The following AKAP3 variants were observed in gnomAD, a reference collection of about 807,000 sequenced individuals.
AKAP3 encodes the protein A-kinase anchoring protein 3, also known as A-kinase anchor protein 3.
AKAP3 carries 27 observed loss-of-function variants against 57.2 expected under a neutral mutation model. The observed-to-expected ratio is 0.47, with a 90% CI of 0.35 to 0.65. The LOEUF (loss-of-function observed/expected upper bound fraction) is 0.65, where lower values mean the gene tolerates loss of function less well. Ranked by LOEUF, AKAP3 falls within the 30% of genes least tolerant of loss-of-function variation. The pLI is 0.01. For missense variants in AKAP3, 959 were observed against 1,040.0 expected (o/e 0.92, Z 1.07); for synonymous variants, 334 against 392.3 (o/e 0.85, Z 1.76).
At chr12:4,632,118 T>C (rs1945504924) in intron 4 of AKAP3, among the ~76,000 whole-genome samples, 2 of 152,262 alleles carry the variant, frequency 1.3e-5, no homozygotes, top group Admixed American at 6.5e-5. Context: ...AGTTAATGCA[T>C]ATTCACTGGA....
At position 4,631,308 on chromosome 12, in the gene AKAP3, T is replaced by G. The variant is rs1263349949; in HGVS notation, c.97-2503A>C. ...AGAAAATCTGTTCTGACAGCATTTTTTGTCCATCTTAAGCTCACCAACTAA... is the reference window on the plus strand; with the variant it reads ...AGAAAATCTGTTCTGACAGCATTTTGTGTCCATCTTAAGCTCACCAACTAA... On this transcript the variant is annotated intron_variant, in intron 4 of 5. Coordinates refer to ENST00000228850, the MANE Select transcript of AKAP3 (RefSeq NM_001278309.2). The G allele has an allele frequency of 5.7e-6, 4 of 701,380 alleles. No homozygotes were observed. In the South Asian group the frequency reaches 5.9e-5, roughly 10 times the overall value. The allele number at this position is 701,380 out of a possible 1,614,324, so 43.4% of individuals were successfully genotyped here.
chr12:4,635,625 C>A (rs749762954), intron 4 of AKAP3: 3 of 775,316 alleles, frequency 3.9e-6, no homozygotes, highest in Non-Finnish European at 4.6e-6. Context: ...TCAGGACATG[C>A]TTGCCTCTGA....
At chr12:4,636,370 C>G (rs904511131) in intron 4 of AKAP3, among the ~76,000 whole-genome samples, 1 of 152,218 alleles carries the variant, frequency 6.6e-6, no homozygotes, top group African/African-American at 2.4e-5. Flanking sequence ...CTGCTACCCT[C>G]ACCGACATTT....
intron 4 of AKAP3, chr12:4,635,534 G>A (rs1321490347): frequency 2.9e-6 from 2 of 699,780 alleles, no homozygotes; most frequent in African/African-American, 3.5e-5. Context: ...ATTGTCATCT[G>A]CATAGGACTG....
chr12:4,623,991 A>G (rs201135911), intron 5 of AKAP3, among the ~76,000 whole-genome samples: 1 of 67,584 alleles, frequency 1.5e-5, no homozygotes, highest in African/African-American at 4.9e-5. Flanking sequence ...ATTTGGAAAC[A>G]TGTATCAAAT....
At position 4,645,054 on chromosome 12, in the gene AKAP3, C is replaced by T. The variant is rs1945682597; in HGVS notation, c.-107+1G>A. The T allele has an allele frequency of 1.3e-5, 2 of 152,230 alleles. No homozygotes were observed. The highest frequency in any genetic ancestry group is 2.4e-5 in the African/African-American group (1 of 41,460). The allele number at this position is 152,230 out of a possible 1,614,324, so 9.4% of individuals were successfully genotyped here. On this transcript the variant is annotated splice_donor_variant, in intron 2 of 5. Transcript: ENST00000228850. LOFTEE classifies it low-confidence loss of function (5UTR_SPLICE). ...TTTATCAGTCCAGTAAGATTACCTA[C>T]CTCTGTAGTACTGGAATAGTGAACC... is the stretch of plus-strand genomic sequence containing the variant.
intron 1 of AKAP3, among the ~76,000 whole-genome samples, chr12:4,646,874 C>T (rs1373885090): frequency 6.6e-6 from 1 of 151,998 alleles, no homozygotes; most frequent in Non-Finnish European, 1.5e-5. Flanking sequence ...CCTCCGCTTC[C>T]CAGGTTCAAG....
At chr12:4,648,236 T>C (rs920990406) in intron 1 of AKAP3, among the ~76,000 whole-genome samples, 3 of 152,198 alleles carry the variant, frequency 2.0e-5, no homozygotes, top group Non-Finnish European at 4.4e-5. Flanking sequence ...TTACAAGCCA[T>C]TGCGCTAGAG....
In AKAP3 at chr12:4,628,724, G is replaced by A. The variant is rs764368886; in HGVS notation, c.178C>T (p.Arg60Trp). The change falls in exon 5 of 6, where the codon CGG becomes TGG. Residue 60 changes from arginine (R) to tryptophan (W), a missense_variant. Coordinates refer to ENST00000228850, the MANE Select transcript of AKAP3 (RefSeq NM_001278309.2). ...EKSTAEFQDV[R>W]FKPGESFGGE... is the part of the protein sequence containing the mutation. ...CCAAATGATTCTCCGGGTTTGAACC[G>A]AACATCTTGGAACTCTGCTGTACTC... 6.2e-6 allele frequency: 10 copies of A among 1,614,154 alleles called. No homozygotes were observed. The highest frequency in any genetic ancestry group is 2.2e-5 in the East Asian group (1 of 44,890).
At chr12:4,637,922 A>AT (rs1179851968) in intron 4 of AKAP3, among the ~76,000 whole-genome samples, 179 bp downstream of exon 4, 2 of 152,138 alleles carry the variant, frequency 1.3e-5, no homozygotes, top group East Asian at 3.8e-4. Context: ...TAGGATGGGA[A>AT]TTTTTTCCAG....
chr12:4,640,138 C>T (rs1444730906), intron 3 of AKAP3, among the ~76,000 whole-genome samples: 5 of 152,140 alleles, frequency 3.3e-5, no homozygotes, highest in Non-Finnish European at 7.4e-5. Flanking sequence ...TTTCTTAATC[C>T]AGTCTATCAT....
rs372952437 is a variant in AKAP3 at position 4,626,813 on chromosome 12, C to T, written c.2089G>A (p.Asp697Asn). ...SCDASLAELG[D>N]DKSGDASRLT... is the part of the protein sequence containing the mutation. ...CTACTGGCATCTCCAGACTTGTCAT[C>T]TCCCAGCTCTGCCAACGAAGCATCA... Residue 697 changes from aspartate (D) to asparagine (N), a missense_variant, in exon 5 of 6, where the codon GAT becomes AAT. Coordinates refer to ENST00000228850, the MANE Select transcript of AKAP3 (RefSeq NM_001278309.2). The T allele has an allele frequency of 1.2e-4, 200 of 1,614,046 alleles. No individual in the cohort carries two copies. Among genetic ancestry groups the T allele is most frequent in the Middle Eastern group, 1.6e-4 (1 of 6,082 alleles).
At chr12:4,630,641 A>C (rs1945485931) in intron 4 of AKAP3, among the ~76,000 whole-genome samples, 1 of 152,248 alleles carries the variant, frequency 6.6e-6, no homozygotes, top group South Asian at 2.1e-4. Context: ...GTGGAAAATC[A>C]CACATCATCT....
At position 4,648,969 on chromosome 12, in the gene AKAP3, T is replaced by C. The variant is rs965164807; in HGVS notation, c.-469A>G. The C allele has an allele frequency of 3.2e-5, 24 of 761,458 alleles. 1 individual carries two copies. In the South Asian group the frequency reaches 4.5e-4, roughly 14 times the overall value. 47.2% of individuals were successfully genotyped at this position (761,458 alleles called of 1,614,324 possible). A position where few individuals can be genotyped will look rare whatever the true frequency, so the allele number is the denominator to read the frequency against. ...GTCTTTTCACTTCCTTTCTTCCCCC[T>C]CTCCTTCACTTTCCCAGCTTTCTTC... On this transcript the variant is annotated 5_prime_UTR_variant, in exon 1 of 6. Coordinates refer to ENST00000228850, the MANE Select transcript of AKAP3 (RefSeq NM_001278309.2).
At chr12:4,636,262 C>G (rs1420227899) in intron 4 of AKAP3, 4 of 409,924 alleles carry the variant, frequency 9.8e-6, no homozygotes, top group Non-Finnish European at 1.8e-5. Context: ...AAACCTCAGA[C>G]GCGGCAAGCG....
intron 4 of AKAP3, among the ~76,000 whole-genome samples, chr12:4,633,306 T>TA (rs1453737747): frequency 1.3e-5 from 2 of 151,914 alleles, no homozygotes; most frequent in African/African-American, 2.4e-5. Context: ...AAAATAAAAA[T>TA]AAAAAACCAA....
chr12:4,643,725 G>C (rs1945664820), intron 2 of AKAP3, among the ~76,000 whole-genome samples: 1 of 152,188 alleles, frequency 6.6e-6, no homozygotes, highest in South Asian at 2.1e-4. Context: ...GTGCAAACCT[G>C]AATGCCAGTC....
rs114979741 is a variant in AKAP3 at position 4,630,992 on chromosome 12, C to T, written c.97-2187G>A. Among the ~76,000 whole-genome samples, 1,380 of 152,280 alleles carry T rather than the reference C, an allele frequency of 9.1e-3. 19 individuals are homozygous for T. The highest frequency in any genetic ancestry group is 0.031 in the African/African-American group (1,290 of 41,550). Reference sequence around the variant, plus strand: ...TTTTAATGGTTTTGGAAGTCTTCCACCAAGATGCCCAATAGATCCATCTAA... The same window carrying T: ...TTTTAATGGTTTTGGAAGTCTTCCATCAAGATGCCCAATAGATCCATCTAA... On this transcript the variant is annotated intron_variant, in intron 4 of 5. Coordinates refer to ENST00000228850, the MANE Select transcript of AKAP3 (RefSeq NM_001278309.2).
At chr12:4,635,295 A>G in intron 4 of AKAP3, 1 of 376,036 alleles carries the variant, frequency 2.7e-6, no homozygotes. Flanking sequence ...CATTGTTATT[A>G]ACATTTAAGA....
Sources: allele counts gnomAD v4.1 joint callset (sites outside exome capture counted in the v4.1 genomes callset), GRCh38; gene constraint gnomAD v4.1.1; transcripts MANE v1.5; gene names NCBI Gene and HGNC (gene_info 2026-07-23, HGNC 2026-07-21).